The following HEXB variants were observed in gnomAD, a reference collection of about 807,000 sequenced individuals.
HEXB encodes the protein beta-hexosaminidase subunit beta.
A neutral mutation model predicts 71.2 loss-of-function variants in HEXB; 51 were observed. The observed-to-expected ratio is 0.72, with a 90% CI of 0.57 to 0.90. HEXB has a LOEUF of 0.90. Among genes scored for constraint, HEXB ranks in the 40% least tolerant of loss-of-function variants. The probability of loss-of-function intolerance (pLI) is 0.00; values close to 1 mark genes in which losing one functional copy is unlikely to be tolerated. For missense variants in HEXB, 617 were observed against 677.0 expected (o/e 0.91, Z 0.98); for synonymous variants, 266 against 249.3 (o/e 1.07, Z -0.63).
At chr5:74,654,749 A>C (rs1561202314) in intron 1 of HEXB, among the ~76,000 whole-genome samples, 1 of 152,194 alleles carries the variant, frequency 6.6e-6, no homozygotes, top group South Asian at 2.1e-4. Flanking sequence ...ATAATCGAGT[A>C]TTTTAGAGCA....
At chr5:74,686,505 A>T (rs1748877564) in intron 1 of HEXB, among the ~76,000 whole-genome samples, 1 of 152,196 alleles carries the variant, frequency 6.6e-6, no homozygotes, top group Non-Finnish European at 1.5e-5. Flanking sequence ...AGGACCCTGA[A>T]CAGGTGGGGA....
Position 74,689,310 on chromosome 5 carries a change from C to T in HEXB, c.300-18C>T, listed in dbSNP as rs774999297. The T allele has an allele frequency of 6.9e-6, 11 of 1,605,128 alleles. No homozygotes were observed. The highest frequency in any genetic ancestry group is 9.4e-6 in the Non-Finnish European group (11 of 1,172,092). The stretch of plus-strand genomic sequence containing the variant: ...CTAAAATCCTTCTAAAATGTGTTTA[C>T]ATTTATTTCTCAAACAGATATCATG... On this transcript the variant is annotated intron_variant, in intron 1 of 13. Coordinates refer to ENST00000261416, the MANE Select transcript of HEXB (RefSeq NM_000521.4).
In HEXB at chr5:74,653,936, T is replaced by C. The variant is rs76166689; in HGVS notation, c.-377+13378T>C. 8.4e-3 allele frequency among the ~76,000 whole-genome samples: 1,285 copies of C among 152,100 alleles called. 18 individuals are homozygous for C. Among genetic ancestry groups the C allele is most frequent in the African/African-American group, 0.03 (1,240 of 41,468 alleles). ...TAGTTGCAGGCTTCTAAATCAGTAA[T>C]AAGGCCATGCCCATGCCAAACATCT... On this transcript the variant is annotated intron_variant, in intron 1 of 13. Transcript: ENST00000511181.
intron 1 of HEXB, among the ~76,000 whole-genome samples, chr5:74,659,283 C>T (rs1748275587): frequency 6.6e-6 from 1 of 152,176 alleles, no homozygotes; most frequent in Non-Finnish European, 1.5e-5. Flanking sequence ...AAGAACAGAA[C>T]ATGCAGTGCC....
intron 1 of HEXB, among the ~76,000 whole-genome samples, chr5:74,675,405 C>G (rs1039047433): frequency 6.6e-6 from 1 of 152,136 alleles, no homozygotes; most frequent in Non-Finnish European, 1.5e-5. Context: ...GTCTCAGAGC[C>G]TGACTAAAGT....
At chr5:74,716,177 G>A (rs927219263) in intron 8 of HEXB, among the ~76,000 whole-genome samples, 38 of 152,054 alleles carry the variant, frequency 2.5e-4, no homozygotes, top group African/African-American at 9.2e-4. Flanking sequence ...TGTGGAGAAT[G>A]TACATTTTGG....
intron 3 of HEXB, among the ~76,000 whole-genome samples, chr5:74,695,506 A>G (rs927428348): frequency 4.0e-5 from 6 of 149,318 alleles, no homozygotes; most frequent in African/African-American, 1.5e-4. Context: ...CCCAGCCAAG[A>G]GACGCTTATT....
At chr5:74,664,717 G>A (rs1021300105) in intron 1 of HEXB, among the ~76,000 whole-genome samples, 2 of 152,184 alleles carry the variant, frequency 1.3e-5, no homozygotes, top group Non-Finnish European at 2.9e-5. Context: ...GTGTCAGAAG[G>A]AGGGAGAGAG....
intron 1 of HEXB, among the ~76,000 whole-genome samples, chr5:74,671,153 C>A (rs1308302726): frequency 3.3e-5 from 5 of 152,124 alleles, no homozygotes; most frequent in Non-Finnish European, 7.4e-5. Context: ...TAAGGGACAA[C>A]AATGCCACAA....
intron 2 of HEXB, 173 bp downstream of exon 2, chr5:74,689,646 T>A (rs1001922225): frequency 3.1e-5 from 20 of 652,620 alleles, no homozygotes; most frequent in Non-Finnish European, 5.4e-5. Flanking sequence ...ATAGTCTTTG[T>A]GGAAAATTTA....
At chr5:74,689,640 T>TA (rs1156475952) in intron 2 of HEXB, 167 bp downstream of exon 2, 22 of 666,002 alleles carry the variant, frequency 3.3e-5, no homozygotes, top group Non-Finnish European at 5.9e-5. Context: ...TAGTACATAG[T>TA]CTTTGTGGAA....
At chr5:74,704,705 T>C (rs554811908) in intron 5 of HEXB, among the ~76,000 whole-genome samples, 1 of 152,344 alleles carries the variant, frequency 6.6e-6, no homozygotes, top group African/African-American at 2.4e-5. Flanking sequence ...CTAGAATAAA[T>C]ACAACATCTC....
intron 11 of HEXB, 131 bp from the exon 12 acceptor site, chr5:74,720,297 C>A: frequency 1.3e-6 from 1 of 747,142 alleles, no homozygotes; most frequent in Non-Finnish European, 2.4e-6. Context: ...ATTAGCATCT[C>A]CCAAGGTCCT....
At chr5:74,708,413 A>G (rs2112162063) in intron 6 of HEXB, among the ~76,000 whole-genome samples, 1 of 148,852 alleles carries the variant, frequency 6.7e-6, no homozygotes, top group African/African-American at 2.5e-5. Context: ...TAACATCATA[A>G]TGACAGGATC....
At chr5:74,686,197 T>C (rs1748867827) in intron 1 of HEXB, among the ~76,000 whole-genome samples, 1 of 152,202 alleles carries the variant, frequency 6.6e-6, no homozygotes, top group Admixed American at 6.5e-5. Flanking sequence ...CTCTCCCTGC[T>C]TCCTCTTTTA....
chr5:74,644,523 G>A (rs1747965000), intron 1 of HEXB, among the ~76,000 whole-genome samples: 1 of 152,056 alleles, frequency 6.6e-6, no homozygotes, highest in Admixed American at 6.6e-5. Context: ...AGAGAGAGAG[G>A]AAAGTCTGGC....
At chr5:74,651,331 A>G (rs1748105975) in intron 1 of HEXB, among the ~76,000 whole-genome samples, 1 of 152,246 alleles carries the variant, frequency 6.6e-6, no homozygotes, top group African/African-American at 2.4e-5. Context: ...CGCAGCACAC[A>G]GTAGTAATGT....
chr5:74,692,354 A>G (rs928144736), intron 2 of HEXB, among the ~76,000 whole-genome samples: 4 of 150,746 alleles, frequency 2.7e-5, no homozygotes, highest in African/African-American at 9.8e-5. Context: ...AAAAAAAAAG[A>G]AAGAGAAAAA....
At chr5:74,720,259 G>A (rs1749793907) in intron 11 of HEXB, 169 bp from the exon 12 acceptor site, 2 of 650,942 alleles carry the variant, frequency 3.1e-6, no homozygotes, top group Admixed American at 4.8e-5. Flanking sequence ...GGGGGAAGAG[G>A]AGGGGCCATC....
Sources: gnomAD v4.1 joint callset for allele counts (sites outside exome capture counted in the v4.1 genomes callset) on GRCh38, gnomAD v4.1.1 for gene constraint, MANE v1.5 for transcripts, NCBI Gene and HGNC (gene_info 2026-07-23, HGNC 2026-07-21) for gene names.